The following MSRA variants were observed in gnomAD, a reference collection of about 807,000 sequenced individuals.
MSRA encodes the protein methionine sulfoxide reductase A, also known as mitochondrial peptide methionine sulfoxide reductase.
In MSRA, 54 loss-of-function variants were observed where a neutral mutation model predicts 31.3. That is an observed-to-expected ratio of 1.73 (90% confidence interval 1.39 to 2.17). The LOEUF (loss-of-function observed/expected upper bound fraction) is 2.17, where lower values mean the gene tolerates loss of function less well. Ranked by LOEUF, MSRA falls within the 30% of genes most tolerant of loss-of-function variation. MSRA has a pLI of 0.00. For synonymous variants in MSRA, 169 were observed against 116.5 expected, an observed-to-expected ratio of 1.45 and a Z score of -2.90; for missense variants, 507 against 300.9, an observed-to-expected ratio of 1.69 and a Z score of -5.07.
intron 3 of MSRA, chr8:10,250,583 A>C: frequency 3.0e-6 from 2 of 662,604 alleles, no homozygotes; most frequent in Non-Finnish European, 5.5e-6. Flanking sequence ...ACATTTCCTT[A>C]TCAACAGAAT....
chr8:10,058,638 A>C (rs1238043406), intron 1 of MSRA, among the ~76,000 whole-genome samples: 2 of 152,236 alleles, frequency 1.3e-5, no homozygotes, highest in Non-Finnish European at 2.9e-5. Flanking sequence ...TTGACATAGC[A>C]TATCTATTTG....
At chr8:10,358,975 C>T (rs1804680507) in intron 5 of MSRA, among the ~76,000 whole-genome samples, 1 of 152,162 alleles carries the variant, frequency 6.6e-6, no homozygotes, top group African/African-American at 2.4e-5. Context: ...TAACTGACGC[C>T]TGATGATCTG....
At chr8:10,111,030 C>G (rs1055961074) in intron 1 of MSRA, among the ~76,000 whole-genome samples, 3 of 152,096 alleles carry the variant, frequency 2.0e-5, no homozygotes, top group African/African-American at 7.2e-5. Context: ...CATTACTGAC[C>G]TAGTTGGAGG....
chr8:10,078,270 G>T (rs1798096298), intron 1 of MSRA, among the ~76,000 whole-genome samples: 1 of 152,148 alleles, frequency 6.6e-6, no homozygotes, highest in South Asian at 2.1e-4. Context: ...TACTCAGCCA[G>T]TTTGCTATCG....
intron 5 of MSRA, among the ~76,000 whole-genome samples, chr8:10,362,437 T>A (rs1804903052): frequency 8.4e-6 from 1 of 119,468 alleles, no homozygotes; most frequent in Non-Finnish European, 1.7e-5. Context: ...AATCAGAAAT[T>A]CCCACCCAAA....
At chr8:10,364,694 C>T (rs188802327) in intron 5 of MSRA, among the ~76,000 whole-genome samples, 4 of 152,330 alleles carry the variant, frequency 2.6e-5, no homozygotes, top group African/African-American at 9.6e-5. Context: ...TTGAACAGAC[C>T]TTAACTGCTG....
At chr8:10,337,828 G>A in intron 5 of MSRA, 1 of 702,322 alleles carries the variant, frequency 1.4e-6, no homozygotes, top group South Asian at 1.5e-5. Flanking sequence ...TTAGTATGCA[G>A]CAAGGTGCCT....
intron 3 of MSRA, among the ~76,000 whole-genome samples, chr8:10,275,176 C>G (rs1012327081): frequency 5.3e-5 from 8 of 152,068 alleles, no homozygotes; most frequent in Non-Finnish European, 1.2e-4. Flanking sequence ...GTAATGTGAG[C>G]AAAGTTACTG....
At chr8:10,122,954 C>T (rs1003029373) in intron 1 of MSRA, among the ~76,000 whole-genome samples, 1 of 152,130 alleles carries the variant, frequency 6.6e-6, no homozygotes, top group African/African-American at 2.4e-5. Context: ...TAGGTTGATT[C>T]TACATCTTTG....
intron 1 of MSRA, among the ~76,000 whole-genome samples, chr8:10,167,082 C>CCCCTCTTCTTCTT (rs1214279659): frequency 3.9e-5 from 6 of 152,154 alleles, no homozygotes; most frequent in Non-Finnish European, 5.9e-5. Flanking sequence ...TTTTCATTCT[C>CCCCTCTTCTTCTT]CCCTCTTCTT....
intron 1 of MSRA, among the ~76,000 whole-genome samples, chr8:10,085,943 G>C (rs1005390684): frequency 1.3e-5 from 2 of 152,260 alleles, no homozygotes; most frequent in Middle Eastern, 6.8e-3. Flanking sequence ...TTATTCCTTA[G>C]TGGCAGCAGA....
At chr8:10,281,598 AG>A (rs1799626457) in intron 3 of MSRA, among the ~76,000 whole-genome samples, 1 of 152,248 alleles carries the variant, frequency 6.6e-6, no homozygotes, top group African/African-American at 2.4e-5. Flanking sequence ...AACACAACTT[AG>A]AAAAATGCTA....
intron 1 of MSRA, among the ~76,000 whole-genome samples, chr8:10,105,572 C>T (rs1051187909): frequency 6.6e-6 from 1 of 152,158 alleles, no homozygotes; most frequent in African/African-American, 2.4e-5. Context: ...CCCATTGCAT[C>T]TGCAATGTTA....
intron 5 of MSRA, among the ~76,000 whole-genome samples, chr8:10,349,122 A>G (rs951524729): frequency 7.9e-5 from 12 of 152,276 alleles, no homozygotes; most frequent in African/African-American, 2.9e-4. Flanking sequence ...AATGCAAATT[A>G]TACATGATAA....
At chr8:10,118,226 C>T (rs1800825508) in intron 1 of MSRA, among the ~76,000 whole-genome samples, 1 of 152,154 alleles carries the variant, frequency 6.6e-6, no homozygotes, top group Non-Finnish European at 1.5e-5. Context: ...TAATCAGTCA[C>T]TGGAGTATAT....
At chr8:10,069,064 A>G (rs918111808) in intron 1 of MSRA, among the ~76,000 whole-genome samples, 4 of 152,220 alleles carry the variant, frequency 2.6e-5, no homozygotes, top group African/African-American at 9.7e-5. Flanking sequence ...GTGATTTCAA[A>G]TTCCAGTTGT....
At chr8:10,242,407 T>G (rs1424925382) in intron 2 of MSRA, among the ~76,000 whole-genome samples, 1 of 152,048 alleles carries the variant, frequency 6.6e-6, no homozygotes, top group African/African-American at 2.4e-5. Context: ...AACGGTTGCT[T>G]TTTGGGCTAT....
chr8:10,172,100 G>T (rs965168259), intron 1 of MSRA, among the ~76,000 whole-genome samples: 1 of 152,178 alleles, frequency 6.6e-6, no homozygotes, highest in Non-Finnish European at 1.5e-5. Context: ...CATTGTAGCC[G>T]GGGTCAGGAA....
At chr8:10,339,731 TG>T (rs1354478939) in intron 5 of MSRA, among the ~76,000 whole-genome samples, 2 of 151,546 alleles carry the variant, frequency 1.3e-5, no homozygotes, top group African/African-American at 4.8e-5. Flanking sequence ...TTAGTAGAGA[TG>T]GGGTTTCACC....
Sources: gnomAD v4.1 joint callset for allele counts (sites outside exome capture counted in the v4.1 genomes callset) on GRCh38, gnomAD v4.1.1 for gene constraint, MANE v1.5 for transcripts, NCBI Gene and HGNC (gene_info 2026-07-23, HGNC 2026-07-21) for gene names.